The following AGTPBP1 variants were observed in gnomAD, a reference collection of about 807,000 sequenced individuals.
AGTPBP1 encodes the protein cytosolic carboxypeptidase 1.
Under a neutral mutation model 143.9 loss-of-function variants are expected in AGTPBP1, and 70 were observed. That is an observed-to-expected ratio of 0.49 (90% CI 0.40 to 0.59). The LOEUF (loss-of-function observed/expected upper bound fraction) is 0.59. AGTPBP1 is among the 20% of genes least tolerant of loss of function. AGTPBP1 has a pLI of 0.00. For missense variants in AGTPBP1, 1,229 were observed against 1,464.5 expected (o/e 0.84, Z 2.62); for synonymous variants, 463 against 500.2 (o/e 0.93, Z 0.99).
At chr9:85,617,757 C>T (rs1179499701) in intron 17 of AGTPBP1, among the ~76,000 whole-genome samples, 1 of 151,992 alleles carries the variant, frequency 6.6e-6, no homozygotes, top group Non-Finnish European at 1.5e-5. Context: ...TTATCATTAG[C>T]AGGAATTAAT....
At chr9:85,583,628 G>T (rs1001035820) in intron 23 of AGTPBP1, among the ~76,000 whole-genome samples, 4 of 151,922 alleles carry the variant, frequency 2.6e-5, no homozygotes, top group Non-Finnish European at 5.9e-5. Context: ...TAATTTTAAT[G>T]AAAAAAACTG....
At chr9:85,589,782 G>T in intron 19 of AGTPBP1, 101 bp from the exon 20 acceptor site, 1 of 1,190,806 alleles carries the variant, frequency 8.4e-7, no homozygotes, top group Non-Finnish European at 1.2e-6. Flanking sequence ...AAGTGAATCA[G>T]ATTCTTAACC....
chr9:85,765,733 A>G, the AGTPBP1 span, among the ~76,000 whole-genome samples: 1 of 152,220 alleles, frequency 6.6e-6, no homozygotes, highest in Non-Finnish European at 1.5e-5. Flanking sequence ...GAAGGTGAAT[A>G]GCTGAGAATC....
At position 85,741,868 on chromosome 9, in the gene AGTPBP1, G is replaced by C; in HGVS notation, c.-127C>G. 2 of 1,395,884 alleles carry C rather than the reference G, an allele frequency of 1.4e-6. No homozygotes were observed. Among genetic ancestry groups the C allele is most frequent in the Non-Finnish European group, 9.3e-7 (1 of 1,076,644 alleles). 86.5% of individuals were successfully genotyped at this position (1,395,884 alleles called of 1,614,324 possible). A position where few individuals can be genotyped will look rare whatever the true frequency, so the allele number is the denominator to read the frequency against. On this transcript the variant is annotated 5_prime_UTR_variant, in exon 1 of 26. Coordinates refer to ENST00000357081, the MANE Select transcript of AGTPBP1 (RefSeq NM_001330701.2). ...GCGGATCCCTCGCCGCCCGCCGCCCGGTGTTTTCATACAAACCCCGGTGGC... is the reference window on the plus strand; with the variant it reads ...GCGGATCCCTCGCCGCCCGCCGCCCCGTGTTTTCATACAAACCCCGGTGGC...
At chr9:85,722,560 T>C (rs533152347) in intron 1 of AGTPBP1, among the ~76,000 whole-genome samples, 14 of 152,354 alleles carry the variant, frequency 9.2e-5, no homozygotes, top group African/African-American at 2.6e-4. Flanking sequence ...TTATTATAGT[T>C]AGCCATTCAT....
intron 24 of AGTPBP1, among the ~76,000 whole-genome samples, chr9:85,578,691 C>A (rs1828048460): frequency 1.3e-5 from 2 of 151,916 alleles, no homozygotes; most frequent in African/African-American, 4.8e-5. Context: ...CAGACTCAAC[C>A]AAGAATTTCT....
chr9:85,740,246 T>A (rs1824160459), intron 1 of AGTPBP1, among the ~76,000 whole-genome samples: 1 of 152,222 alleles, frequency 6.6e-6, no homozygotes, highest in Admixed American at 6.5e-5. Flanking sequence ...TCCACTTCAT[T>A]TCCGAGTTCA....
the AGTPBP1 span, among the ~76,000 whole-genome samples, chr9:85,780,042 G>A: frequency 0.049 from 7,465 of 152,176 alleles, 259 homozygotes; most frequent in Non-Finnish European, 0.069. Context: ...AAAACAAGAT[G>A]ATGGACTAAT....
At chr9:85,629,176 A>G (rs550080748) in intron 14 of AGTPBP1, among the ~76,000 whole-genome samples, 10 of 152,294 alleles carry the variant, frequency 6.6e-5, no homozygotes, top group African/African-American at 2.4e-4. Flanking sequence ...CACACTATTA[A>G]AAATGTATCT....
chr9:85,629,732 G>A (rs541002255), intron 14 of AGTPBP1, among the ~76,000 whole-genome samples: 4 of 152,234 alleles, frequency 2.6e-5, no homozygotes, highest in African/African-American at 9.6e-5. Flanking sequence ...TCAAGTAAAC[G>A]GAGTTTAGCA....
intron 8 of AGTPBP1, among the ~76,000 whole-genome samples, chr9:85,668,444 CAGAG>C (rs993555275): frequency 4.7e-5 from 7 of 149,388 alleles, no homozygotes; most frequent in Non-Finnish European, 8.9e-5. Context: ...GCCTAGGCAA[CAGAG>C]AGAGACTCCA....
intron 11 of AGTPBP1, among the ~76,000 whole-genome samples, chr9:85,650,535 T>G (rs998868506): frequency 4.6e-5 from 7 of 152,224 alleles, no homozygotes; most frequent in African/African-American, 1.7e-4. Flanking sequence ...ATTAACTGTT[T>G]ATGTTATCAG....
chr9:85,688,048 C>G (rs1209073722), intron 3 of AGTPBP1, among the ~76,000 whole-genome samples: 1 of 142,660 alleles, frequency 7.0e-6, no homozygotes, highest in African/African-American at 2.6e-5. Flanking sequence ...CGAGATCACA[C>G]CATTGCACTC....
intron 17 of AGTPBP1, among the ~76,000 whole-genome samples, chr9:85,606,913 G>C (rs1043596594): frequency 4.0e-5 from 6 of 151,890 alleles, no homozygotes; most frequent in Admixed American, 1.3e-4. Context: ...GTGTGGGAGG[G>C]ATAAGGGGGG....
At chr9:85,723,793 G>C (rs1311473706) in intron 1 of AGTPBP1, among the ~76,000 whole-genome samples, 1 of 152,082 alleles carries the variant, frequency 6.6e-6, no homozygotes, top group Non-Finnish European at 1.5e-5. Flanking sequence ...GCAGACCGGA[G>C]CTGTTCCTAT....
chr9:85,681,962 C>T (rs1835212338), intron 3 of AGTPBP1, among the ~76,000 whole-genome samples: 1 of 151,402 alleles, frequency 6.6e-6, no homozygotes, highest in Non-Finnish European at 1.5e-5. Context: ...GTTGGTCAGG[C>T]AGGTCTTGAA....
chr9:85,668,193 C>A (rs1042252082), intron 8 of AGTPBP1, among the ~76,000 whole-genome samples: 3 of 152,054 alleles, frequency 2.0e-5, no homozygotes, highest in Non-Finnish European at 4.4e-5. Flanking sequence ...ATTATCCTCT[C>A]TACATTTGTG....
chr9:85,771,232 G>A, the AGTPBP1 span, among the ~76,000 whole-genome samples: 1 of 152,158 alleles, frequency 6.6e-6, no homozygotes, highest in Admixed American at 6.5e-5. Flanking sequence ...AGGTGCAGTG[G>A]CTCATGCCTG....
chr9:85,706,768 C>T (rs918494459), intron 2 of AGTPBP1, among the ~76,000 whole-genome samples: 1 of 151,356 alleles, frequency 6.6e-6, no homozygotes, highest in Non-Finnish European at 1.5e-5. Flanking sequence ...CCCAGCTACT[C>T]GGGAGGCTGA....
Sources: gnomAD v4.1 joint callset for allele counts (sites outside exome capture counted in the v4.1 genomes callset) on GRCh38, gnomAD v4.1.1 for gene constraint, MANE v1.5 for transcripts, NCBI Gene and HGNC (gene_info 2026-07-23, HGNC 2026-07-21) for gene names.